DOCK7: variants seen among roughly 807,000 people sequenced by gnomAD.
The protein encoded by DOCK7 is dedicator of cytokinesis protein 7.
Under a neutral mutation model 271.0 loss-of-function variants are expected in DOCK7, and 138 were observed. The observed-to-expected ratio is 0.51, with a 90% CI of 0.44 to 0.59. DOCK7 has a LOEUF of 0.59. Among genes scored for constraint, DOCK7 ranks in the 20% least tolerant of loss-of-function variants. The pLI, the probability that DOCK7 is intolerant of heterozygous loss-of-function variation, is 0.00. For missense variants in DOCK7, 2,066 were observed against 2,592.4 expected, an observed-to-expected ratio of 0.80 and a Z score of 4.41; for synonymous variants, 823 against 876.1, an observed-to-expected ratio of 0.94 and a Z score of 1.07.
chr1:62,616,360 C>T (rs1193747066), intron 14 of DOCK7, among the ~76,000 whole-genome samples: 1 of 151,548 alleles, frequency 6.6e-6, no homozygotes, highest in African/African-American at 2.4e-5. Flanking sequence ...AAGTGTATCA[C>T]TTACATCAAC....
At chr1:62,531,675 C>A (rs1020705911) in intron 29 of DOCK7, among the ~76,000 whole-genome samples, 11 of 152,144 alleles carry the variant, frequency 7.2e-5, no homozygotes, top group Non-Finnish European at 1.3e-4. Flanking sequence ...AGGAATTATT[C>A]TTGATTACGT....
At chr1:62,664,724 T>C (rs1659074298) in intron 1 of DOCK7, among the ~76,000 whole-genome samples, 1 of 151,742 alleles carries the variant, frequency 6.6e-6, no homozygotes, top group South Asian at 2.1e-4. Flanking sequence ...CTTTCTATAC[T>C]TTCCATTCAT....
intron 31 of DOCK7, among the ~76,000 whole-genome samples, chr1:62,515,382 T>G (rs1644631827): frequency 6.6e-6 from 1 of 152,224 alleles, no homozygotes; most frequent in Non-Finnish European, 1.5e-5. Flanking sequence ...AATCCACAAT[T>G]GTTCTCATAA....
chr1:62,556,791 G>C (rs1049157348), intron 20 of DOCK7, among the ~76,000 whole-genome samples: 1 of 152,084 alleles, frequency 6.6e-6, no homozygotes, highest in African/African-American at 2.4e-5. Context: ...CCCAAAAGTA[G>C]AATAATCAGA....
At chr1:62,547,867 T>C (rs931753831) in intron 22 of DOCK7, among the ~76,000 whole-genome samples, 2 of 152,060 alleles carry the variant, frequency 1.3e-5, no homozygotes, top group Admixed American at 1.3e-4. Flanking sequence ...ATTTTAGGAG[T>C]TCTGTATTTT....
At chr1:62,671,691 A>G (rs1335021195) in intron 1 of DOCK7, among the ~76,000 whole-genome samples, 12 of 152,194 alleles carry the variant, frequency 7.9e-5, no homozygotes, top group Admixed American at 7.2e-4. Flanking sequence ...CAGGGGAAAA[A>G]TAGTCTCAGT....
chr1:62,498,946 C>T (rs1489732649), intron 37 of DOCK7, among the ~76,000 whole-genome samples: 1 of 152,014 alleles, frequency 6.6e-6, no homozygotes, highest in African/African-American at 2.4e-5. Context: ...GGATTACAGG[C>T]GCCCGCCACC....
At chr1:62,615,537 C>A (rs891351379) in intron 14 of DOCK7, among the ~76,000 whole-genome samples, 1 of 151,658 alleles carries the variant, frequency 6.6e-6, no homozygotes, top group Non-Finnish European at 1.5e-5. Context: ...TTATGTAAAG[C>A]CCTAATCTGA....
At position 62,552,887 on chromosome 1, in the gene DOCK7, C is replaced by A. The variant is rs775136696; in HGVS notation, c.2611G>T (p.Gly871Ter). 1 of 1,607,866 alleles carries A rather than the reference C, an allele frequency of 6.2e-7. No individual in the cohort carries two copies. Among genetic ancestry groups the A allele is most frequent in the Non-Finnish European group, 8.5e-7 (1 of 1,176,850 alleles). Residue 871 changes from glycine to a stop codon, truncating the protein, a stop_gained, in exon 22 of 50, where the codon GGA (glycine) becomes TGA (stop). Transcript: ENST00000635253. LOFTEE classifies it high-confidence loss of function. ...NSSSPGPGGLGGSVHYATMAR... is the reference protein window; with the variant it reads ...NSSSPGPGGL ...ATTGTGGCATAATGCACTGATCCTCCCAAACCCCCAGGACCTAGAGTTGTA... is the reference window on the plus strand; with the variant it reads ...ATTGTGGCATAATGCACTGATCCTCACAAACCCCCAGGACCTAGAGTTGTA...
chr1:62,651,052 C>T (rs538911094), intron 4 of DOCK7, among the ~76,000 whole-genome samples: 27 of 152,066 alleles, frequency 1.8e-4, no homozygotes, highest in African/African-American at 6.5e-4. Flanking sequence ...ACCCAAATGT[C>T]CATCAATGAT....
intron 14 of DOCK7, among the ~76,000 whole-genome samples, chr1:62,596,428 A>G (rs1351064388): frequency 1.3e-5 from 2 of 152,196 alleles, no homozygotes. Context: ...TGAACACTCA[A>G]TAAGAATAAT....
Position 62,565,976 on chromosome 1 carries a change from C to G in DOCK7, c.2113-4273G>C, listed in dbSNP as rs561398296. On this transcript the variant is annotated intron_variant, in intron 18 of 49. Transcript: ENST00000635253. ...AATTGCTACAAAGAGAATAAAATAC[C>G]CAGGAATACAATTTACAAGGGGTAT... is the stretch of plus-strand genomic sequence containing the variant. Among the ~76,000 whole-genome samples, 11 of 152,144 alleles carry G rather than the reference C, an allele frequency of 7.2e-5. No homozygotes were observed. The South Asian group carries it at 1.2e-3, about 17-fold the overall frequency.
At position 62,515,952 on chromosome 1, in the gene DOCK7, G is replaced by A. The variant is rs79847662; in HGVS notation, c.3937-2054C>T. On this transcript the variant is annotated intron_variant, in intron 31 of 49. Coordinates refer to ENST00000635253, the MANE Select transcript of DOCK7 (RefSeq NM_001367561.1). ...ATATCTGAAAATCTGATCTGTGACA[G>A]AGCTGGCACTGTGGATCACTACTGA... 6.9e-3 allele frequency among the ~76,000 whole-genome samples: 1,057 copies of A among 152,272 alleles called. 14 individuals are homozygous for A. The highest frequency in any genetic ancestry group is 0.024 in the African/African-American group (997 of 41,562).
At chr1:62,680,531 G>C (rs889334706) in intron 1 of DOCK7, among the ~76,000 whole-genome samples, 1 of 151,658 alleles carries the variant, frequency 6.6e-6, no homozygotes, top group African/African-American at 2.4e-5. Context: ...AGCCAAAATT[G>C]ACAAATGGGA....
rs1422075808 is a variant in DOCK7, at chr1:62,477,684, C to T, written c.5634+16G>A. On this transcript the variant is annotated intron_variant, in intron 44 of 49. Transcript: ENST00000635253. ...CAAACTAAAGATGACATTTTATGAACCACCACAGCATTCACCTCCAATCTG... is the reference window on the plus strand; with the variant it reads ...CAAACTAAAGATGACATTTTATGAATCACCACAGCATTCACCTCCAATCTG... 6.4e-7 allele frequency: 1 copy of T among 1,573,416 alleles called. No homozygotes were observed. The highest frequency in any genetic ancestry group is 1.4e-5 in the African/African-American group (1 of 73,346).
intron 32 of DOCK7, 27 bp from the exon 33 acceptor site, chr1:62,513,633 A>C: frequency 6.2e-7 from 1 of 1,603,932 alleles, no homozygotes; most frequent in East Asian, 2.2e-5. Flanking sequence ...AGAAGAGAAG[A>C]GGTATTGAGG....
In DOCK7 at chr1:62,520,182, T is replaced by C. The variant is rs571236360; in HGVS notation, c.3937-6284A>G. 2.6e-5 allele frequency among the ~76,000 whole-genome samples: 4 copies of C among 152,222 alleles called. No individual in the cohort carries two copies. In the East Asian group the frequency reaches 5.8e-4, roughly 22 times the overall value. On this transcript the variant is annotated intron_variant, in intron 31 of 49. Coordinates refer to ENST00000635253, the MANE Select transcript of DOCK7 (RefSeq NM_001367561.1). ...AACCTAGGCAATACCATTCAGGACA[T>C]AGGCATGGGCAAACACTTCATGACT... is the stretch of plus-strand genomic sequence containing the variant.
At chr1:62,504,067 G>A (rs1646871620) in intron 37 of DOCK7, among the ~76,000 whole-genome samples, 2 of 150,356 alleles carry the variant, frequency 1.3e-5, no homozygotes, top group South Asian at 2.1e-4. Context: ...AAAAAATAAG[G>A]CTAGTCAACT....
intron 25 of DOCK7, among the ~76,000 whole-genome samples, chr1:62,542,094 T>G (rs137860618): frequency 6.6e-6 from 1 of 152,198 alleles, no homozygotes; most frequent in Non-Finnish European, 1.5e-5. Context: ...CCCAGGCTGG[T>G]CTCAAACTCC....
Sources: gnomAD v4.1 joint callset for allele counts (sites outside exome capture counted in the v4.1 genomes callset) on GRCh38, gnomAD v4.1.1 for gene constraint, MANE v1.5 for transcripts, NCBI Gene and HGNC (gene_info 2026-07-23, HGNC 2026-07-21) for gene names.